The following CNTLN variants were observed in gnomAD, a reference collection of about 807,000 sequenced individuals.
The protein encoded by CNTLN is centlein, also known as centlein, centrosomal protein.
In CNTLN, 212 loss-of-function variants were observed where a neutral mutation model predicts 180.0. The observed-to-expected ratio is 1.18, with a 90% confidence interval of 1.05 to 1.32. CNTLN has a LOEUF of 1.32. Ranked by LOEUF, CNTLN falls within the 40% of genes most tolerant of loss-of-function variation. CNTLN has a pLI of 0.00. For synonymous variants in CNTLN, 722 were observed against 563.1 expected, an observed-to-expected ratio of 1.28 and a Z score of -3.99; for missense variants, 2,095 against 1,610.9, an observed-to-expected ratio of 1.30 and a Z score of -5.14.
chr9:17,476,582 A>G (rs960916444), intron 23 of CNTLN, among the ~76,000 whole-genome samples: 1 of 152,230 alleles, frequency 6.6e-6, no homozygotes, highest in Non-Finnish European at 1.5e-5. Flanking sequence ...AAAGTGAAAC[A>G]GCCTTATTGC....
intron 10 of CNTLN, among the ~76,000 whole-genome samples, chr9:17,337,503 T>G (rs1297556191): frequency 6.6e-6 from 1 of 151,716 alleles, no homozygotes; most frequent in Non-Finnish European, 1.5e-5. Flanking sequence ...TTGGTAATAT[T>G]GAACATTTTA....
intron 9 of CNTLN, among the ~76,000 whole-genome samples, chr9:17,331,145 T>A (rs1188034142): frequency 1.3e-5 from 2 of 151,926 alleles, no homozygotes; most frequent in Non-Finnish European, 2.9e-5. Context: ...TTTTAAATGG[T>A]ATTTACTCAC....
At position 17,385,222 on chromosome 9, in the gene CNTLN, G is replaced by A. The variant is rs982008114; in HGVS notation, c.1988-2940G>A. ...AGCATGCCACCTTCAGCACCTCAAT[G>A]TGTTCACCAACTTGGAATTTCTCCA... On this transcript the variant is annotated intron_variant, in intron 13 of 25. Coordinates refer to ENST00000380647, the MANE Select transcript of CNTLN (RefSeq NM_017738.4). Among the ~76,000 whole-genome samples, 40 of 152,296 alleles carry A rather than the reference G, an allele frequency of 2.6e-4. 1 individual carries two copies. Among genetic ancestry groups the A allele is most frequent in the African/African-American group, 9.4e-4 (39 of 41,566 alleles).
intron 13 of CNTLN, among the ~76,000 whole-genome samples, chr9:17,376,202 G>A (rs1010311874): frequency 6.6e-6 from 1 of 151,922 alleles, no homozygotes; most frequent in Admixed American, 6.6e-5. Context: ...TTATCTTCCC[G>A]TCTCTTTCAG....
At chr9:17,197,604 GTTGT>G (rs1563870752) in intron 2 of CNTLN, among the ~76,000 whole-genome samples, 1 of 152,036 alleles carries the variant, frequency 6.6e-6, no homozygotes, top group Non-Finnish European at 1.5e-5. Context: ...TTCCTATACA[GTTGT>G]TTGAGTTTCT....
intron 23 of CNTLN, among the ~76,000 whole-genome samples, chr9:17,482,568 AT>A (rs1223918565): frequency 6.6e-6 from 1 of 151,812 alleles, no homozygotes; most frequent in Admixed American, 6.6e-5. Context: ...ACAGTAAGAT[AT>A]TTTTAAGGGG....
intron 6 of CNTLN, among the ~76,000 whole-genome samples, chr9:17,279,852 T>C (rs935918966): frequency 6.6e-6 from 1 of 152,216 alleles, no homozygotes; most frequent in Non-Finnish European, 1.5e-5. Flanking sequence ...CATGAATGAA[T>C]TAATCCAATT....
intron 2 of CNTLN, among the ~76,000 whole-genome samples, chr9:17,206,504 C>G (rs1822933134): frequency 1.3e-5 from 2 of 152,174 alleles, no homozygotes; most frequent in African/African-American, 4.8e-5. Context: ...CAATATTACT[C>G]TCCTTGCAAA....
At chr9:17,322,992 A>G (rs1563993452) in intron 8 of CNTLN, among the ~76,000 whole-genome samples, 1 of 152,198 alleles carries the variant, frequency 6.6e-6, no homozygotes, top group Non-Finnish European at 1.5e-5. Flanking sequence ...TAGGCTAAAT[A>G]TGAAAAAATG....
intron 25 of CNTLN, among the ~76,000 whole-genome samples, chr9:17,496,395 T>A (rs4581150): frequency 6.6e-6 from 1 of 151,894 alleles, no homozygotes; most frequent in Non-Finnish European, 1.5e-5. Context: ...GTCTTCTCAT[T>A]GTATTCTCAC....
intron 2 of CNTLN, among the ~76,000 whole-genome samples, chr9:17,175,287 T>G (rs1204744266): frequency 6.6e-6 from 1 of 152,172 alleles, no homozygotes; most frequent in Non-Finnish European, 1.5e-5. Flanking sequence ...TGTACTTAAG[T>G]TCACAATCCA....
At chr9:17,325,466 A>C (rs912062771) in intron 8 of CNTLN, among the ~76,000 whole-genome samples, 1 of 149,316 alleles carries the variant, frequency 6.7e-6, no homozygotes, top group East Asian at 2.0e-4. Flanking sequence ...GGTTTGAATT[A>C]GTTTTCAGAG....
chr9:17,491,080 G>T (rs181478812), intron 25 of CNTLN, among the ~76,000 whole-genome samples: 4 of 152,088 alleles, frequency 2.6e-5, no homozygotes, highest in Admixed American at 6.5e-5. Context: ...TATCTGTTCT[G>T]CCCATTCTGA....
chr9:17,207,526 C>T (rs1342726003), intron 2 of CNTLN, among the ~76,000 whole-genome samples: 2 of 152,138 alleles, frequency 1.3e-5, no homozygotes, highest in Admixed American at 6.5e-5. Context: ...CTGCAAAAAC[C>T]GTGGGAAAAT....
chr9:17,358,677 T>C (rs1380469829), intron 12 of CNTLN, among the ~76,000 whole-genome samples: 1 of 152,164 alleles, frequency 6.6e-6, no homozygotes, highest in African/African-American at 2.4e-5. Context: ...TTCTACTTTT[T>C]AAAGTATGTA....
intron 18 of CNTLN, among the ~76,000 whole-genome samples, chr9:17,421,471 A>G (rs1828720026): frequency 6.6e-6 from 1 of 151,890 alleles, no homozygotes; most frequent in Non-Finnish European, 1.5e-5. Context: ...TATAGGTGAA[A>G]TGAGTTTCTT....
chr9:17,189,138 A>T (rs1821631280), intron 2 of CNTLN, among the ~76,000 whole-genome samples: 1 of 122,614 alleles, frequency 8.2e-6, no homozygotes, highest in South Asian at 2.7e-4. Context: ...GCTGGAGTGC[A>T]GTGGCGTGAT....
At chr9:17,521,653 A>G in the CNTLN span, among the ~76,000 whole-genome samples, 4 of 152,258 alleles carry the variant, frequency 2.6e-5, no homozygotes, top group South Asian at 4.2e-4. Flanking sequence ...GTGGAACTCT[A>G]CTATCACCAG....
intron 23 of CNTLN, among the ~76,000 whole-genome samples, chr9:17,475,022 T>C (rs1301445575): frequency 6.6e-6 from 1 of 152,188 alleles, no homozygotes; most frequent in Non-Finnish European, 1.5e-5. Flanking sequence ...TTCTACTACA[T>C]TTTACCTCAC....
Sources: gnomAD v4.1 joint callset for allele counts (sites outside exome capture counted in the v4.1 genomes callset) on GRCh38, gnomAD v4.1.1 for gene constraint, MANE v1.5 for transcripts, NCBI Gene and HGNC (gene_info 2026-07-23, HGNC 2026-07-21) for gene names.